LRRC27: variants seen among roughly 807,000 people sequenced by gnomAD.
LRRC27 encodes leucine rich repeat containing 27, also known as leucine-rich repeat-containing protein 27.
Under a neutral mutation model 55.0 loss-of-function variants are expected in LRRC27, and 57 were observed. The observed-to-expected ratio is 1.04, with a 90% CI of 0.84 to 1.29. The LOEUF is 1.29. LRRC27 is among the 50% of genes most tolerant of loss of function. The pLI is 0.00. For synonymous variants in LRRC27, 278 were observed against 251.9 expected (o/e 1.10, Z -0.98); for missense variants, 721 against 651.5 (o/e 1.11, Z -1.16).
chr10:132,372,799 C>T lies in LRRC27; in HGVS notation c.1417-2267C>T, dbSNP rs1176503352. 6.6e-6 allele frequency among the ~76,000 whole-genome samples: 1 copy of T among 152,180 alleles called. No homozygotes were observed. Among genetic ancestry groups the T allele is most frequent in the Non-Finnish European group, 1.5e-5 (1 of 68,038 alleles). On this transcript the variant is annotated intron_variant, in intron 10 of 10. Transcript: ENST00000368614. The surrounding 1 kb of genome is among the most constrained non-coding windows in gnomAD (Gnocchi z 4.0). ...CCAGGAGGGCTGGCCAGCTCCATGG[C>T]GCTGTCTGAGATATCAGCCAACCAA...
intron 10 of LRRC27, among the ~76,000 whole-genome samples, chr10:132,370,525 G>A (rs765792968): frequency 6.6e-6 from 1 of 152,176 alleles, no homozygotes; most frequent in Non-Finnish European, 1.5e-5. Context: ...TAGAGGAGGT[G>A]AATTGTGTTG....
In LRRC27 at chr10:132,374,764, C is replaced by G. The variant is rs545796082; in HGVS notation, c.1417-302C>G. 6.6e-6 allele frequency among the ~76,000 whole-genome samples: 1 copy of G among 152,220 alleles called. No homozygotes were observed. Among genetic ancestry groups the G allele is most frequent in the African/African-American group, 2.4e-5 (1 of 41,458 alleles). ...GTCTCTGTTCATCCATTGACCTGTG[C>G]AGATGCACAGGACACCTGGGTGGGG... On this transcript the variant is annotated intron_variant, in intron 10 of 10. Coordinates refer to ENST00000368614, the MANE Select transcript of LRRC27 (RefSeq NM_030626.3). The surrounding 1 kb of genome is among the most constrained non-coding windows in gnomAD (Gnocchi z 4.4).
In LRRC27 at chr10:132,380,504, T is replaced by C. The variant is rs2069397659; in HGVS notation, c.*5262T>C. 1.3e-5 allele frequency among the ~76,000 whole-genome samples: 2 copies of C among 151,326 alleles called. No individual in the cohort carries two copies. The highest frequency in any genetic ancestry group is 2.1e-4 in the South Asian group (1 of 4,782). Reference sequence around the variant, plus strand: ...CATTGTGTATCACGGTAAAAAGTGATCTGTTTTAACTGGACATGGTGGCAC... The same window carrying C: ...CATTGTGTATCACGGTAAAAAGTGACCTGTTTTAACTGGACATGGTGGCAC... On this transcript the variant is annotated 3_prime_UTR_variant, in exon 11 of 11. Coordinates refer to ENST00000368614, the MANE Select transcript of LRRC27 (RefSeq NM_030626.3).
intron 3 of LRRC27, among the ~76,000 whole-genome samples, chr10:132,339,843 T>C (rs939693594): frequency 2.6e-5 from 4 of 152,242 alleles, no homozygotes; most frequent in Non-Finnish European, 5.9e-5. Flanking sequence ...AAGTGTACAG[T>C]CCTCAAAATT....
chr10:132,364,569 G>T (rs202218260), intron 9 of LRRC27, among the ~76,000 whole-genome samples: 1 of 5,994 alleles, frequency 1.7e-4, no homozygotes, highest in African/African-American at 4.3e-4. Flanking sequence ...TTACACCCAC[G>T]TCCACACCCT....
chr10:132,377,555 AG>A lies in LRRC27; in HGVS notation c.*2315del, dbSNP rs1459463389. 1.3e-5 allele frequency: 2 copies of A among 152,166 alleles called. No individual in the cohort carries two copies. Among genetic ancestry groups the A allele is most frequent in the Non-Finnish European group, 2.9e-5 (2 of 68,028 alleles). The allele number at this position is 152,166 out of a possible 1,614,324, so 9.4% of individuals were successfully genotyped here. A position where few individuals can be genotyped will look rare whatever the true frequency, so the allele number is the denominator to read the frequency against. Reference sequence around the variant, plus strand: ...TTCCACAGGTAAGCACGCAAGACACAGGTACCGTGTGCCCCAACGGTGTCTT... The same window carrying A: ...TTCCACAGGTAAGCACGCAAGACACAGTACCGTGTGCCCCAACGGTGTCTT... On this transcript the variant is annotated 3_prime_UTR_variant, in exon 11 of 11. Coordinates refer to ENST00000368614, the MANE Select transcript of LRRC27 (RefSeq NM_030626.3).
chr10:132,335,902 ATCT>A (rs1289031578), intron 2 of LRRC27, among the ~76,000 whole-genome samples: 3 of 152,094 alleles, frequency 2.0e-5, no homozygotes, highest in African/African-American at 7.2e-5. Flanking sequence ...TCTTAGACTA[ATCT>A]TCTTTGGTTT....
In LRRC27 at chr10:132,342,239, G is replaced by A; in HGVS notation, c.368G>A (p.Arg123Lys). 6.4e-7 allele frequency: 1 copy of A among 1,555,142 alleles called. No homozygotes were observed. Among genetic ancestry groups the A allele is most frequent in the Non-Finnish European group, 8.7e-7 (1 of 1,149,288 alleles). ...HQHLKTLLLE[R>K]NPIKMLPVEL... ...CATTTGAAAACTTTGCTTTTAGAAA[G>A]AAATCCTATCAAAATGTTACCTGTG... The change falls in exon 4 of 11, where the codon AGA becomes AAA. Residue 123 changes from arginine (R) to lysine (K), a missense_variant. Transcript: ENST00000368614.
intron 6 of LRRC27, among the ~76,000 whole-genome samples, chr10:132,349,804 T>C (rs1186467911): frequency 6.6e-6 from 1 of 152,130 alleles, no homozygotes; most frequent in Non-Finnish European, 1.5e-5. Flanking sequence ...CATGGTTGGG[T>C]GGGCCCTGAG....
At position 132,374,311 on chromosome 10, in the gene LRRC27, G is replaced by A. The variant is rs2069294084; in HGVS notation, c.1417-755G>A. 6.6e-6 allele frequency among the ~76,000 whole-genome samples: 1 copy of A among 152,186 alleles called. No homozygotes were observed. Among genetic ancestry groups the A allele is most frequent in the African/African-American group, 2.4e-5 (1 of 41,428 alleles). ...AGTGTCCAACCTGTGCCCCCAGCAA[G>A]GCAAGCCGGGGAGGGAGACGGGAGC... On this transcript the variant is annotated intron_variant, in intron 10 of 10. Transcript: ENST00000368614. This position sits in a 1 kb window ranked among gnomAD's most constrained non-coding sequence, Gnocchi z 4.4.
At chr10:132,354,716 A>G (rs572694595) in intron 7 of LRRC27, among the ~76,000 whole-genome samples, 1 of 152,318 alleles carries the variant, frequency 6.6e-6, no homozygotes, top group Admixed American at 6.5e-5. Context: ...AGCCGCTGTG[A>G]CCGCAAGGAA....
In LRRC27 at chr10:132,377,561, C is replaced by CGT. The variant is rs2133120212; in HGVS notation, c.*2323_*2324dup. ...AGGTAAGCACGCAAGACACAGGTAC[C>CGT]GTGTGCCCCAACGGTGTCTTGACTC... On this transcript the variant is annotated 3_prime_UTR_variant, in exon 11 of 11. Coordinates refer to ENST00000368614, the MANE Select transcript of LRRC27 (RefSeq NM_030626.3). The CGT allele has an allele frequency of 6.6e-6, 1 of 152,254 alleles. No individual in the cohort carries two copies. Among genetic ancestry groups the CGT allele is most frequent in the East Asian group, 1.9e-4 (1 of 5,172 alleles). 9.4% of individuals were successfully genotyped at this position (152,254 alleles called of 1,614,324 possible).
At chr10:132,371,498 G>T (rs1310438484) in intron 10 of LRRC27, among the ~76,000 whole-genome samples, 1 of 152,230 alleles carries the variant, frequency 6.6e-6, no homozygotes, top group East Asian at 1.9e-4. Context: ...CCACCAGAAT[G>T]ACAGGAAAGG....
At chr10:132,342,141 T>G (rs2067445585) in intron 3 of LRRC27, 72 bp from the exon 4 acceptor site, 1 of 947,788 alleles carries the variant, frequency 1.1e-6, no homozygotes, top group South Asian at 1.6e-5. Flanking sequence ...ATGAAGAAAC[T>G]TGATGGTATA....
At chr10:132,343,857 G>A (rs986457151) in intron 4 of LRRC27, among the ~76,000 whole-genome samples, 12 of 152,294 alleles carry the variant, frequency 7.9e-5, no homozygotes, top group African/African-American at 2.9e-4. Flanking sequence ...CGGGGACTTC[G>A]CCCTGAGCCT....
chr10:132,365,249 G>C (rs904461048), intron 9 of LRRC27, among the ~76,000 whole-genome samples, 175 bp from the exon 10 acceptor site: 1 of 152,240 alleles, frequency 6.6e-6, no homozygotes, highest in African/African-American at 2.4e-5. Flanking sequence ...GAGGAGAGTG[G>C]GTGCCGGGGA....
rs2067821843 is a variant in LRRC27, at chr10:132,348,270, TC to T, written c.841del (p.Gln281SerfsTer3). On this transcript the variant is annotated frameshift_variant, in exon 6 of 11. Coordinates refer to ENST00000368614, the MANE Select transcript of LRRC27 (RefSeq NM_030626.3). LOFTEE classifies it high-confidence loss of function. The surrounding 1 kb of genome is among the most constrained non-coding windows in gnomAD (Gnocchi z 4.2). ...ACGTGAAGGCAGACGTTCTGGGAGA[TC>T]AGCTCTTGACGAGGGAATTACCTCC... ...EHVKADVLGD[Q>X]LLTRELPPNL... The T allele has an allele frequency of 6.2e-7, 1 of 1,613,986 alleles. No homozygotes were observed. The highest frequency in any genetic ancestry group is 1.3e-5 in the African/African-American group (1 of 75,018).
At position 132,365,609 on chromosome 10, in the gene LRRC27, T is replaced by C. The variant is rs188966119; in HGVS notation, c.1416+59T>C. 3.8e-6 allele frequency: 6 copies of C among 1,576,550 alleles called. No individual in the cohort carries two copies. The East Asian group carries it at 9.1e-5, about 24-fold the overall frequency. On this transcript the variant is annotated intron_variant, in intron 10 of 10. Transcript: ENST00000368614. ...GGGGTGTTTTTTGTTTTGTTTTGTT[T>C]TTGTTTTTTTGAGACAGAGTCTTGT... is the stretch of plus-strand genomic sequence containing the variant.
At position 132,374,117 on chromosome 10, in the gene LRRC27, AG is replaced by A. The variant is rs2069285488; in HGVS notation, c.1417-946del. Among the ~76,000 whole-genome samples the A allele has an allele frequency of 1.6e-5, 2 of 124,994 alleles. 1 individual carries two copies. Among genetic ancestry groups the A allele is most frequent in the African/African-American group, 7.1e-5 (2 of 28,268 alleles). The allele number at this position is 124,994 out of a possible 152,430, so 82.0% of individuals were successfully genotyped here. ...CATGGTGAGGGGGTGCAGTGGCTCC[AG>A]GGACCTGCTGTGATTATGGCTGCAT... is the stretch of plus-strand genomic sequence containing the variant. On this transcript the variant is annotated intron_variant, in intron 10 of 10. Transcript: ENST00000368614. The surrounding 1 kb of genome is among the most constrained non-coding windows in gnomAD (Gnocchi z 4.4).
Sources: gnomAD v4.1 joint callset for allele counts (sites outside exome capture counted in the v4.1 genomes callset) on GRCh38, gnomAD v4.1.1 for gene constraint, Gnocchi (gnomAD v3.1) non-coding constraint, MANE v1.5 for transcripts, NCBI Gene and HGNC (gene_info 2026-07-23, HGNC 2026-07-21) for gene names.